The following METAP1D variants were observed in gnomAD, a reference collection of about 807,000 sequenced individuals.
The protein encoded by METAP1D is methionyl aminopeptidase type 1D, mitochondrial.
A neutral mutation model predicts 40.5 loss-of-function variants in METAP1D; 31 were observed. The observed-to-expected ratio is 0.77, with a 90% CI of 0.58 to 1.03. The LOEUF is 1.03. Ranked by LOEUF, METAP1D falls within the 50% of genes least tolerant of loss-of-function variation. The pLI is 0.00. For missense variants in METAP1D, 411 were observed against 420.7 expected (o/e 0.98, Z 0.20); for synonymous variants, 151 against 146.4 (o/e 1.03, Z -0.22).
In METAP1D at chr2:172,045,737, ATATG is replaced by A. The variant is rs1466526881; in HGVS notation, c.41-15759_41-15756del. 5.7e-4 allele frequency among the ~76,000 whole-genome samples: 26 copies of A among 45,414 alleles called. 1 individual carries two copies. Among genetic ancestry groups the A allele is most frequent in the African/African-American group, 7.7e-4 (12 of 15,498 alleles). 29.8% of individuals were successfully genotyped at this position (45,414 alleles called of 152,430 possible). ...TGTGTGTGTGTGTGTGTGTGTATATATATGTGTATATATGTATATATGTGTGTAT... is the reference window on the plus strand; with the variant it reads ...TGTGTGTGTGTGTGTGTGTGTATATATGTATATATGTATATATGTGTGTAT... On this transcript the variant is annotated intron_variant, in intron 1 of 9. Coordinates refer to ENST00000315796, the MANE Select transcript of METAP1D (RefSeq NM_199227.3).
chr2:172,076,604 G>A (rs1432143210), intron 6 of METAP1D, among the ~76,000 whole-genome samples: 1 of 152,248 alleles, frequency 6.6e-6, no homozygotes, highest in African/African-American at 2.4e-5. Flanking sequence ...ATAAGAGGCT[G>A]CCCATCTGCT....
At chr2:172,073,986 G>C (rs1187920437) in intron 6 of METAP1D, among the ~76,000 whole-genome samples, 1 of 152,172 alleles carries the variant, frequency 6.6e-6, no homozygotes, top group East Asian at 1.9e-4. Context: ...TGTCTTTGAG[G>C]AAGTATCAGC....
At chr2:172,056,693 T>A (rs944885642) in intron 1 of METAP1D, among the ~76,000 whole-genome samples, 2 of 152,232 alleles carry the variant, frequency 1.3e-5, no homozygotes, top group African/African-American at 4.8e-5. Context: ...AAGGAGCATT[T>A]ATGGAGCACC....
chr2:172,046,246 C>G (rs1377131355), intron 1 of METAP1D, among the ~76,000 whole-genome samples: 1 of 151,484 alleles, frequency 6.6e-6, no homozygotes, highest in Admixed American at 6.6e-5. Context: ...TGAATAGATT[C>G]TCTAGTTTTA....
chr2:172,011,860 C>T (rs943184185), intron 1 of METAP1D, among the ~76,000 whole-genome samples: 2 of 152,094 alleles, frequency 1.3e-5, no homozygotes, highest in African/African-American at 4.8e-5. Flanking sequence ...ATGTGTTTTT[C>T]TGCGGACATA....
intron 1 of METAP1D, among the ~76,000 whole-genome samples, chr2:172,030,311 C>T (rs915532413): frequency 4.6e-5 from 7 of 151,896 alleles, no homozygotes; most frequent in African/African-American, 1.7e-4. Flanking sequence ...AGGCTGGTCT[C>T]GAACTCCCGA....
chr2:172,000,147 AGG>A, intron 1 of METAP1D, 138 bp downstream of exon 1: 1 of 714,838 alleles, frequency 1.4e-6, no homozygotes, highest in East Asian at 3.4e-5. Context: ...GAACACACGC[AGG>A]CACACACGAT....
rs766974724 is a variant in METAP1D, at chr2:172,043,176, A to G, written c.41-18322A>G. 1.9e-4 allele frequency among the ~76,000 whole-genome samples: 25 copies of G among 129,804 alleles called. 6 individuals carry two copies. The Middle Eastern group carries it at 0.036, about 189-fold the overall frequency. 85.2% of individuals were successfully genotyped at this position (129,804 alleles called of 152,430 possible). A position where few individuals can be genotyped will look rare whatever the true frequency, so the allele number is the denominator to read the frequency against. ...AGGCTGGTCTCAAACTCCTGAGCTC[A>G]AGCAATCTTCCCATCTCAGCCTCCC... On this transcript the variant is annotated intron_variant, in intron 1 of 9. Coordinates refer to ENST00000315796, the MANE Select transcript of METAP1D (RefSeq NM_199227.3).
chr2:172,043,117 A>ATATT (rs1553494227), intron 1 of METAP1D, among the ~76,000 whole-genome samples: 3 of 117,972 alleles, frequency 2.5e-5, no homozygotes, highest in African/African-American at 8.3e-5. Context: ...ATATATATAT[A>ATATT]TTTTTTGGGA....
chr2:172,050,430 A>C (rs1223072073), intron 1 of METAP1D, among the ~76,000 whole-genome samples: 1 of 146,754 alleles, frequency 6.8e-6, no homozygotes, highest in African/African-American at 2.4e-5. Flanking sequence ...TTGTTACTAT[A>C]TCAGTTTTTT....
intron 1 of METAP1D, among the ~76,000 whole-genome samples, chr2:172,039,011 A>C (rs1041969400): frequency 6.6e-6 from 1 of 152,226 alleles, no homozygotes; most frequent in African/African-American, 2.4e-5. Flanking sequence ...TGTCCATTTT[A>C]GTCCACTACT....
chr2:172,067,710 A>G (rs995840857), intron 5 of METAP1D, among the ~76,000 whole-genome samples: 3 of 152,202 alleles, frequency 2.0e-5, no homozygotes, highest in African/African-American at 4.8e-5. Flanking sequence ...AGTGTGTCCA[A>G]AGAAAATACT....
intron 1 of METAP1D, among the ~76,000 whole-genome samples, chr2:172,003,500 C>G (rs1011894527): frequency 6.6e-6 from 1 of 152,110 alleles, no homozygotes; most frequent in African/African-American, 2.4e-5. Context: ...ATAGTTTCCC[C>G]CATTCTGTTC....
intron 1 of METAP1D, among the ~76,000 whole-genome samples, chr2:172,053,724 A>G (rs528209304): frequency 2.6e-5 from 4 of 152,318 alleles, no homozygotes; most frequent in African/African-American, 9.6e-5. Flanking sequence ...TAAATCACAT[A>G]TTATCTCTGG....
At chr2:172,025,541 G>A (rs1285593883) in intron 1 of METAP1D, among the ~76,000 whole-genome samples, 2 of 151,880 alleles carry the variant, frequency 1.3e-5, no homozygotes, top group Non-Finnish European at 2.9e-5. Context: ...TGTTTCCCAG[G>A]CTGGTTTTGA....
At chr2:172,038,204 G>A (rs1689438396) in intron 1 of METAP1D, among the ~76,000 whole-genome samples, 2 of 152,122 alleles carry the variant, frequency 1.3e-5, no homozygotes, top group South Asian at 4.1e-4. Context: ...CCTATAATGT[G>A]GCCAAAATAT....
At chr2:172,025,726 A>G (rs758237491) in intron 1 of METAP1D, among the ~76,000 whole-genome samples, 1 of 152,084 alleles carries the variant, frequency 6.6e-6, no homozygotes, top group African/African-American at 2.4e-5. Flanking sequence ...TTTTTTTTTA[A>G]GAGTCTGGGT....
In METAP1D at chr2:172,063,805, A is replaced by G. The variant is rs754196894; in HGVS notation, c.293A>G (p.His98Arg). ...VKNEDQIQGL[H>R]QACQLARHVL... ...AATGAAGATCAGATTCAAGGGCTTC[A>G]TCAGGCTTGTCAGCTGGCCCGCCAC... Residue 98 changes from histidine (H) to arginine (R), a missense_variant, in exon 3 of 10, where the codon CAT (histidine) becomes CGT (arginine). His to Arg is a conservative substitution (Grantham distance 29, BLOSUM62 0). Coordinates refer to ENST00000315796, the MANE Select transcript of METAP1D (RefSeq NM_199227.3). The G allele has an allele frequency of 5.6e-6, 9 of 1,614,112 alleles. No homozygotes were observed. The Admixed American group carries it at 1.5e-4, about 27-fold the overall frequency.
At chr2:172,053,090 A>T (rs538969877) in intron 1 of METAP1D, among the ~76,000 whole-genome samples, 83 of 152,366 alleles carry the variant, frequency 5.4e-4, no homozygotes, top group Non-Finnish European at 9.4e-4. Context: ...ATATCAAGTG[A>T]TGCAGACTAT....
Sources: allele counts gnomAD v4.1 joint callset (sites outside exome capture counted in the v4.1 genomes callset), GRCh38; gene constraint gnomAD v4.1.1; transcripts MANE v1.5; gene names NCBI Gene and HGNC (gene_info 2026-07-23, HGNC 2026-07-21).